EPS15L1: variants seen among roughly 807,000 people sequenced by gnomAD.
EPS15L1 encodes the protein epidermal growth factor receptor pathway substrate 15 like 1.
In EPS15L1, 43 loss-of-function variants were observed where a neutral mutation model predicts 117.1. That is an observed-to-expected ratio of 0.37 (90% CI 0.29 to 0.47). The LOEUF is 0.47. EPS15L1 is among the 20% of genes least tolerant of loss of function. The pLI is 0.99. For synonymous variants in EPS15L1, 459 were observed against 470.5 expected (o/e 0.98, Z 0.32); for missense variants, 981 against 1,164.0 (o/e 0.84, Z 2.29).
At chr19:16,422,338 C>T (rs2092823678) in intron 9 of EPS15L1, among the ~76,000 whole-genome samples, 1 of 152,296 alleles carries the variant, frequency 6.6e-6, no homozygotes, top group Middle Eastern at 3.4e-3. Flanking sequence ...TGCATTACCG[C>T]GGGCCTTCAA....
chr19:16,400,662 A>G, intron 16 of EPS15L1: 1 of 985,460 alleles, frequency 1.0e-6, no homozygotes, highest in African/African-American at 1.7e-5. Flanking sequence ...GTACAACAGG[A>G]TAAAAACAGT....
intron 16 of EPS15L1, among the ~76,000 whole-genome samples, 185 bp from the exon 17 acceptor site, chr19:16,395,652 T>A (rs2092532222): frequency 1.3e-5 from 2 of 151,860 alleles, no homozygotes; most frequent in Non-Finnish European, 2.9e-5. Flanking sequence ...AAACAAAAAT[T>A]TAAAAATGAG....
chr19:16,408,993 G>A (rs1483294540), intron 13 of EPS15L1, among the ~76,000 whole-genome samples: 1 of 152,168 alleles, frequency 6.6e-6, no homozygotes, highest in African/African-American at 2.4e-5. Flanking sequence ...AGGCCAGAGT[G>A]GGAAGATCCC....
intron 23 of EPS15L1, chr19:16,358,366 CTCTGTG>C (rs1166415797): frequency 2.0e-5 from 3 of 152,792 alleles, no homozygotes; most frequent in Non-Finnish European, 1.5e-5. Flanking sequence ...CCGCAGCTCC[CTCTGTG>C]TCTGCTGTCT....
intron 1 of EPS15L1, among the ~76,000 whole-genome samples, chr19:16,444,137 A>G (rs2093060596): frequency 6.7e-6 from 1 of 149,888 alleles, no homozygotes; most frequent in South Asian, 2.1e-4. Flanking sequence ...GAAGGAAAAT[A>G]GCATAAAGAT....
At chr19:16,393,143 CAT>C (rs2092498524) in intron 18 of EPS15L1, among the ~76,000 whole-genome samples, 1 of 149,604 alleles carries the variant, frequency 6.7e-6, no homozygotes, top group South Asian at 2.1e-4. Flanking sequence ...CAGGTAAATC[CAT>C]AGAGACAGAA....
Position 16,417,992 on chromosome 19 carries a change from A to G in EPS15L1, c.1063T>C (p.Ser355Pro). The change falls in exon 11 of 24, where the codon TCG becomes CCG. Residue 355 changes from serine (S) to proline (P), a missense_variant. Ser to Pro is a moderately conservative substitution (Grantham distance 74). Coordinates refer to ENST00000455140, the MANE Select transcript of EPS15L1 (RefSeq NM_001258374.3). ...SKGIDPPQVL[S>P]PDMVPPSERG... ...TCCGAAGGCGGGACCATGTCCGGCG[A>G]GAGGACTTGAGGAGGGTCGATGCCT... is the stretch of plus-strand genomic sequence containing the variant. 6.2e-7 allele frequency: 1 copy of G among 1,614,166 alleles called. No individual in the cohort carries two copies. Among genetic ancestry groups the G allele is most frequent in the Non-Finnish European group, 8.5e-7 (1 of 1,180,032 alleles).
At chr19:16,408,930 A>C (rs1239999381) in intron 13 of EPS15L1, among the ~76,000 whole-genome samples, 3 of 152,144 alleles carry the variant, frequency 2.0e-5, no homozygotes, top group African/African-American at 4.8e-5. Flanking sequence ...GCTCTTCAAC[A>C]AATGGCACTG....
At chr19:16,382,333 G>A (rs1227275515) in intron 21 of EPS15L1, among the ~76,000 whole-genome samples, 3 of 152,128 alleles carry the variant, frequency 2.0e-5, no homozygotes, top group Admixed American at 6.5e-5. Flanking sequence ...TTTCCTACTC[G>A]GGCAGCGGCT....
intron 9 of EPS15L1, among the ~76,000 whole-genome samples, chr19:16,422,029 A>C (rs1022435385): frequency 1.2e-4 from 18 of 152,194 alleles, no homozygotes; most frequent in Admixed American, 4.6e-4. Context: ...CGTCACTGAC[A>C]GGTAACAAAT....
Position 16,402,431 on chromosome 19 carries a change from G to A in EPS15L1, c.1681C>T (p.Leu561=), listed in dbSNP as rs1281319015. ...TCGAGCACCTGGTCATACTGCTCCA[G>A]GCTCCTGTGGGCCTCCTGGCGGCTT... ...HESRQEAHRS[L]EQYDQVLDGA... Residue 561 remains leucine, a synonymous_variant, in exon 16 of 24, where the codon CTG becomes TTG. Coordinates refer to ENST00000455140, the MANE Select transcript of EPS15L1 (RefSeq NM_001258374.3). The A allele has an allele frequency of 6.2e-7, 1 of 1,612,700 alleles. No homozygotes were observed. The highest frequency in any genetic ancestry group is 8.5e-7 in the Non-Finnish European group (1 of 1,179,494).
At chr19:16,436,627 A>G (rs868559511) in intron 6 of EPS15L1, 1 of 287,906 alleles carries the variant, frequency 3.5e-6, no homozygotes, top group Non-Finnish European at 6.5e-6. Flanking sequence ...AAAACCACAG[A>G]ATGTGACCTA....
chr19:16,408,553 G>A (rs563429423), intron 13 of EPS15L1, among the ~76,000 whole-genome samples: 22 of 152,012 alleles, frequency 1.4e-4, no homozygotes, highest in Admixed American at 9.2e-4. Flanking sequence ...TCAGCTACTC[G>A]GGAGGCTGAG....
intron 6 of EPS15L1, chr19:16,436,514 T>C (rs1350555410): frequency 6.3e-6 from 1 of 159,176 alleles, no homozygotes; most frequent in African/African-American, 2.4e-5. Flanking sequence ...ACATGCAAAG[T>C]GGCTGGAAAG....
intron 11 of EPS15L1, 116 bp downstream of exon 11, chr19:16,417,832 G>T: frequency 7.1e-7 from 1 of 1,417,714 alleles, no homozygotes; most frequent in Non-Finnish European, 9.6e-7. Flanking sequence ...GTTGAGGAAG[G>T]CAGGGACCAC....
intron 22 of EPS15L1, among the ~76,000 whole-genome samples, chr19:16,363,256 G>T (rs540676116): frequency 2.0e-4 from 30 of 152,262 alleles, no homozygotes; most frequent in African/African-American, 7.2e-4. Context: ...TATGCAACAC[G>T]ATTCCGGCGT....
chr19:16,361,747 G>C (rs768680862), intron 23 of EPS15L1, 32 bp downstream of exon 23: 1 of 1,596,482 alleles, frequency 6.3e-7, no homozygotes, highest in African/African-American at 1.3e-5. Flanking sequence ...GGAAGGGAGT[G>C]GGGTGGCCCG....
At chr19:16,417,708 T>C (rs530555963) in intron 11 of EPS15L1, 71 bp from the exon 12 acceptor site, 1 of 1,364,332 alleles carries the variant, frequency 7.3e-7, no homozygotes, top group South Asian at 1.2e-5. Flanking sequence ...CACCAGCAGT[T>C]CTCGGGCCCA....
intron 1 of EPS15L1, among the ~76,000 whole-genome samples, chr19:16,470,619 C>T (rs926530919): frequency 1.3e-5 from 2 of 151,620 alleles, no homozygotes; most frequent in Non-Finnish European, 2.9e-5. Flanking sequence ...CAAGAACTTG[C>T]TAATTAATAA....
Sources: gnomAD v4.1 joint callset for allele counts (sites outside exome capture counted in the v4.1 genomes callset) on GRCh38, gnomAD v4.1.1 for gene constraint, MANE v1.5 for transcripts, NCBI Gene and HGNC (gene_info 2026-07-23, HGNC 2026-07-21) for gene names.